Variants in PHF24 observed in about 807,000 individuals in gnomAD.
PHF24 encodes the protein Galpha inhibitory interacting protein.
A neutral mutation model predicts 42.6 loss-of-function variants in PHF24; 25 were observed. That is an observed-to-expected ratio of 0.59 (90% CI 0.43 to 0.82). The LOEUF is 0.82. PHF24 is among the 40% of genes least tolerant of loss of function. The probability of loss-of-function intolerance (pLI) is 0.00; values close to 1 mark genes in which losing one functional copy is unlikely to be tolerated. For missense variants in PHF24, 470 were observed against 538.1 expected (o/e 0.87, Z 1.25); for synonymous variants, 185 against 204.8 (o/e 0.90, Z 0.83).
the PHF24 span, chr9:34,678,299 TTA>T: frequency 1.0e-3 from 157 of 152,408 alleles, no homozygotes; most frequent in African/African-American, 3.3e-3. Context: ...CTCCCCCCCT[TTA>T]TATATTTTCT....
At chr9:34,817,841 T>C in the PHF24 span, among the ~76,000 whole-genome samples, 1 of 152,254 alleles carries the variant, frequency 6.6e-6, no homozygotes, top group African/African-American at 2.4e-5. Context: ...GTTCTAGTAC[T>C]ATCTATTGAA....
the PHF24 span, among the ~76,000 whole-genome samples, chr9:34,810,316 T>C: frequency 1.6e-4 from 24 of 152,066 alleles, no homozygotes; most frequent in African/African-American, 2.2e-4. Context: ...GCTGCCTCTA[T>C]TGGGGGGAGT....
the PHF24 span, among the ~76,000 whole-genome samples, chr9:34,676,393 G>A: frequency 1.3e-5 from 2 of 152,122 alleles, no homozygotes; most frequent in East Asian, 1.9e-4. Flanking sequence ...GCATGGTGGC[G>A]GGCCCCTGTA....
the PHF24 span, among the ~76,000 whole-genome samples, chr9:34,947,457 A>T: frequency 4.6e-5 from 7 of 152,242 alleles, no homozygotes; most frequent in African/African-American, 1.7e-4. Context: ...TATACAGTAC[A>T]TAATACTTGC....
At chr9:34,808,732 C>T in the PHF24 span, among the ~76,000 whole-genome samples, 1 of 151,934 alleles carries the variant, frequency 6.6e-6, no homozygotes, top group South Asian at 2.1e-4. Flanking sequence ...GAGTAACTGA[C>T]TCCTGAAAGC....
At chr9:34,738,042 A>G in the PHF24 span, among the ~76,000 whole-genome samples, 3 of 151,872 alleles carry the variant, frequency 2.0e-5, no homozygotes, top group East Asian at 5.8e-4. Flanking sequence ...GAGAGACTAC[A>G]TAGAAATAGA....
At chr9:34,798,093 G>A in the PHF24 span, among the ~76,000 whole-genome samples, 1 of 152,184 alleles carries the variant, frequency 6.6e-6, no homozygotes, top group Non-Finnish European at 1.5e-5. Context: ...TCTTTGAGGT[G>A]ATGGAACTGG....
upstream of PHF24, among the ~76,000 whole-genome samples, chr9:34,958,096 C>G (rs1826433407): frequency 6.7e-6 from 1 of 149,374 alleles, no homozygotes; most frequent in Non-Finnish European, 1.5e-5. The surrounding 1 kb of genome is among the most constrained non-coding windows in gnomAD (Gnocchi z 4.5). Context: ...CCCGCGGAGC[C>G]GCGAGGGCGT....
the PHF24 span, among the ~76,000 whole-genome samples, chr9:34,784,859 A>C: frequency 6.6e-6 from 1 of 152,260 alleles, no homozygotes; most frequent in South Asian, 2.1e-4. Context: ...AGGATCATTT[A>C]TATTGAGTCA....
the PHF24 span, among the ~76,000 whole-genome samples, chr9:34,823,259 C>T: frequency 2.0e-5 from 3 of 150,474 alleles, no homozygotes; most frequent in Non-Finnish European, 4.4e-5. Context: ...GAGTGGTGCT[C>T]ACCTAGGGAA....
At chr9:34,786,628 T>C in the PHF24 span, among the ~76,000 whole-genome samples, 1 of 152,244 alleles carries the variant, frequency 6.6e-6, no homozygotes, top group South Asian at 2.1e-4. Flanking sequence ...TCTTCTCTTT[T>C]GCAAGTGAAA....
At chr9:34,970,523 TACTG>T (rs754476251) in intron 1 of PHF24, among the ~76,000 whole-genome samples, 1 of 152,282 alleles carries the variant, frequency 6.6e-6, no homozygotes, top group African/African-American at 2.4e-5. Context: ...AGAGTTTCCT[TACTG>T]ACTAATTCAG....
At chr9:34,770,802 T>TC in the PHF24 span, among the ~76,000 whole-genome samples, 1 of 149,902 alleles carries the variant, frequency 6.7e-6, no homozygotes, top group Non-Finnish European at 1.5e-5. Flanking sequence ...TTAAGGTAAC[T>TC]CTTGGAGAAA....
the PHF24 span, among the ~76,000 whole-genome samples, chr9:34,905,338 T>C: frequency 6.6e-6 from 1 of 152,188 alleles, no homozygotes. Context: ...CGCCTTCCTC[T>C]CCTGTGCTTT....
intron 1 of PHF24, among the ~76,000 whole-genome samples, chr9:34,967,551 T>C (rs1023346300): frequency 2.6e-5 from 4 of 152,244 alleles, no homozygotes; most frequent in African/African-American, 9.6e-5. Flanking sequence ...TTGCTCATAA[T>C]AAAAATATGC....
At chr9:34,680,716 A>T in the PHF24 span, among the ~76,000 whole-genome samples, 3,827 of 141,248 alleles carry the variant, frequency 0.027, 158 homozygotes, top group African/African-American at 0.1. Context: ...ATAAAAAAAA[A>T]AATAAAATAA....
chr9:34,864,001 GAC>G, the PHF24 span, among the ~76,000 whole-genome samples: 1 of 152,230 alleles, frequency 6.6e-6, no homozygotes, highest in Non-Finnish European at 1.5e-5. Flanking sequence ...AAATACAGCT[GAC>G]ATACTGAAGA....
At chr9:34,949,901 G>A in the PHF24 span, among the ~76,000 whole-genome samples, 4 of 151,786 alleles carry the variant, frequency 2.6e-5, no homozygotes, top group South Asian at 2.1e-4. Flanking sequence ...TAATGCATGC[G>A]GAGCTTAAAA....
chr9:34,926,210 G>C, the PHF24 span, among the ~76,000 whole-genome samples: 26 of 152,350 alleles, frequency 1.7e-4, no homozygotes, highest in African/African-American at 6.0e-4. The surrounding 1 kb of genome is among the most constrained non-coding windows in gnomAD (Gnocchi z 4.3). Context: ...CTTGGGATCT[G>C]GCTCACTGGG....
Sources: allele counts gnomAD v4.1 joint callset (sites outside exome capture counted in the v4.1 genomes callset), GRCh38; gene constraint gnomAD v4.1.1; non-coding constraint Gnocchi (gnomAD v3.1); transcripts MANE v1.5; gene names NCBI Gene and HGNC (gene_info 2026-07-23, HGNC 2026-07-21).